The following RBFOX1 variants were observed in gnomAD, a reference collection of about 807,000 sequenced individuals.
RBFOX1 encodes RNA binding fox-1 homolog 1, also known as RNA binding protein fox-1 homolog 1.
A neutral mutation model predicts 57.7 loss-of-function variants in RBFOX1; 8 were observed. The ratio of observed to expected loss-of-function variants is 0.14; its 90% CI spans 0.08 to 0.25. RBFOX1 has a LOEUF of 0.25. RBFOX1 is among the 10% of genes least tolerant of loss of function. The pLI is 1.00. For synonymous variants in RBFOX1, 326 were observed against 222.4 expected, an observed-to-expected ratio of 1.47 and a Z score of -4.15; for missense variants, 611 against 548.5, an observed-to-expected ratio of 1.11 and a Z score of -1.14.
chr16:6,132,205 A>G (rs2096634675), intron 1 of RBFOX1, among the ~76,000 whole-genome samples: 1 of 152,170 alleles, frequency 6.6e-6, no homozygotes, highest in East Asian at 1.9e-4. Flanking sequence ...ATCATGGGGG[A>G]CACTTTCGGC....
At chr16:6,176,668 T>G (rs1224496447) in intron 1 of RBFOX1, among the ~76,000 whole-genome samples, 1 of 149,274 alleles carries the variant, frequency 6.7e-6, no homozygotes, top group African/African-American at 2.5e-5. Flanking sequence ...ATTGTTATTA[T>G]TTGCTAACAA....
chr16:7,630,562 C>A, intron 10 of RBFOX1, 41 bp from the exon 11 acceptor site: 1 of 1,611,816 alleles, frequency 6.2e-7, no homozygotes, highest in South Asian at 1.1e-5. Context: ...TGTAGTGTAC[C>A]GATTCCCAAA....
At position 6,529,885 on chromosome 16, in the gene RBFOX1, G is replaced by A. The variant is rs150678529; in HGVS notation, c.-63-124718G>A. Reference sequence around the variant, plus strand: ...CAGCTCAGTGAGATATAAACATGAGGTGACTTTTTCTCCACTCACTGCTCC... The same window carrying A: ...CAGCTCAGTGAGATATAAACATGAGATGACTTTTTCTCCACTCACTGCTCC... On this transcript the variant is annotated intron_variant, in intron 2 of 15. Transcript: ENST00000550418. 3.6e-3 allele frequency among the ~76,000 whole-genome samples: 542 copies of A among 152,142 alleles called. 2 individuals are homozygous for A. Among genetic ancestry groups the A allele is most frequent in the African/African-American group, 9.9e-3 (409 of 41,512 alleles).
At chr16:6,924,337 C>T (rs1051877768) in intron 3 of RBFOX1, among the ~76,000 whole-genome samples, 6 of 151,950 alleles carry the variant, frequency 3.9e-5, no homozygotes, top group African/African-American at 2.4e-5. Context: ...TCATGGGAGG[C>T]ATGTTGGGCA....
rs754958698 is a variant in RBFOX1, at chr16:5,542,415, A to AT, written c.259-56472dup. Among the ~76,000 whole-genome samples the AT allele has an allele frequency of 6.9e-3, 958 of 139,082 alleles. 20 individuals are homozygous for AT. The East Asian group carries it at 0.081, about 12-fold the overall frequency. The allele number at this position is 139,082 out of a possible 152,430, so 91.2% of individuals were successfully genotyped here. On this transcript the variant is annotated intron_variant, in intron 2 of 2. Transcript: ENST00000585867. ...AGGCATGCGCCACCATGCCTGGCTA[A>AT]TTTTTTTTTTTTTTTGTATTTTTAG...
At chr16:7,344,732 C>T (rs1052209123) in intron 4 of RBFOX1, among the ~76,000 whole-genome samples, 1 of 152,108 alleles carries the variant, frequency 6.6e-6, no homozygotes, top group Non-Finnish European at 1.5e-5. Flanking sequence ...AACAATTTGC[C>T]CTCATTCTTA....
chr16:6,149,897 G>C (rs1438657270), intron 1 of RBFOX1, among the ~76,000 whole-genome samples: 2 of 152,184 alleles, frequency 1.3e-5, no homozygotes. Context: ...AATAAGTCCT[G>C]ATTATGTGCA....
chr16:6,450,828 T>TAC (rs1555480477), intron 2 of RBFOX1, among the ~76,000 whole-genome samples: 27 of 27,380 alleles, frequency 9.9e-4, no homozygotes, highest in African/African-American at 5.0e-3. Context: ...CATATATATA[T>TAC]ATATATATGT....
intron 1 of RBFOX1, among the ~76,000 whole-genome samples, chr16:6,250,835 G>C (rs1389020452): frequency 1.3e-5 from 2 of 152,160 alleles, no homozygotes; most frequent in African/African-American, 4.8e-5. Context: ...AATGTGAACT[G>C]ACCGTGCATT....
At chr16:5,686,087 G>A (rs972731375) in intron 3 of RBFOX1, among the ~76,000 whole-genome samples, 7 of 152,146 alleles carry the variant, frequency 4.6e-5, no homozygotes, top group Admixed American at 1.3e-4. Flanking sequence ...GCTCAGAAAC[G>A]ATATTGAGTG....
chr16:7,493,006 G>C (rs11863826), intron 4 of RBFOX1, among the ~76,000 whole-genome samples: 61,007 of 151,948 alleles, frequency 0.4, 13,367 homozygotes, highest in Middle Eastern at 0.51. Flanking sequence ...AGCCTGCCGA[G>C]TAGCTGGGAT....
At chr16:7,363,670 G>C (rs1034421314) in intron 4 of RBFOX1, among the ~76,000 whole-genome samples, 6 of 152,104 alleles carry the variant, frequency 3.9e-5, no homozygotes, top group African/African-American at 1.4e-4. Context: ...GATCCCTTTT[G>C]CTGGCTCCAT....
chr16:6,850,998 T>G (rs1603632251), intron 3 of RBFOX1, among the ~76,000 whole-genome samples: 1 of 152,240 alleles, frequency 6.6e-6, no homozygotes, highest in East Asian at 1.9e-4. Flanking sequence ...GCATGAATGG[T>G]TACACTGTGA....
At chr16:6,955,162 G>T (rs1275080374) in intron 3 of RBFOX1, among the ~76,000 whole-genome samples, 1 of 151,982 alleles carries the variant, frequency 6.6e-6, no homozygotes. Context: ...GATCAGTTGA[G>T]CCTGGGACTG....
At position 7,044,766 on chromosome 16, in the gene RBFOX1, T is replaced by G. The variant is rs557120705; in HGVS notation, c.-15-7291T>G. On this transcript the variant is annotated intron_variant, in intron 3 of 15. Transcript: ENST00000550418. The stretch of plus-strand genomic sequence containing the variant: ...TTTGATAAAGTGTACATTTAAGATA[T>G]TTTTCAAGGCTAGCTTTTAAAGAAT... Among the ~76,000 whole-genome samples, 19 of 152,346 alleles carry G rather than the reference T, an allele frequency of 1.2e-4. No individual in the cohort carries two copies. In the East Asian group the frequency reaches 3.7e-3, roughly 29 times the overall value.
intron 2 of RBFOX1, among the ~76,000 whole-genome samples, chr16:6,648,857 A>G (rs532830854): frequency 1.3e-5 from 2 of 152,308 alleles, no homozygotes; most frequent in Admixed American, 6.5e-5. Flanking sequence ...AAAGTTATAT[A>G]TATTTATCAT....
At chr16:6,341,922 A>T (rs2152828380) in intron 2 of RBFOX1, among the ~76,000 whole-genome samples, 1 of 152,330 alleles carries the variant, frequency 6.6e-6, no homozygotes, top group East Asian at 1.9e-4. Context: ...TGGATCATTC[A>T]GAATAATTTC....
intron 3 of RBFOX1, among the ~76,000 whole-genome samples, chr16:5,819,722 C>T (rs2055776982): frequency 1.3e-5 from 2 of 152,198 alleles, no homozygotes; most frequent in Admixed American, 6.5e-5. Flanking sequence ...CCATGCCCAC[C>T]AGGTGAATCA....
chr16:6,806,528 C>T (rs2086800554), intron 3 of RBFOX1, among the ~76,000 whole-genome samples: 1 of 151,920 alleles, frequency 6.6e-6, no homozygotes, highest in Non-Finnish European at 1.5e-5. Context: ...AATGAGTTCA[C>T]CATCTTACAT....
Sources: gnomAD v4.1 joint callset for allele counts (sites outside exome capture counted in the v4.1 genomes callset) on GRCh38, gnomAD v4.1.1 for gene constraint, MANE v1.5 for transcripts, NCBI Gene and HGNC (gene_info 2026-07-23, HGNC 2026-07-21) for gene names.